The following GPX6 variants were observed in gnomAD, a reference collection of about 807,000 sequenced individuals.
GPX6 encodes glutathione peroxidase 6 (olfactory).
In GPX6, 21 loss-of-function variants were observed where a neutral mutation model predicts 20.0. The observed-to-expected ratio is 1.05, with a 90% CI of 0.74 to 1.51. The LOEUF is 1.51. Among genes scored for constraint, GPX6 ranks in the 40% most tolerant of loss-of-function variants. The pLI is 0.00. For synonymous variants in GPX6, 75 were observed against 98.0 expected (o/e 0.77, Z 1.38); for missense variants, 233 against 254.7 (o/e 0.91, Z 0.58).
At chr6:28,510,491 C>T (rs970123417) in intron 2 of GPX6, among the ~76,000 whole-genome samples, 7 of 152,088 alleles carry the variant, frequency 4.6e-5, no homozygotes, top group Admixed American at 2.6e-4. Context: ...TTCAGGGTAC[C>T]GAGTAACACA....
intron 2 of GPX6, among the ~76,000 whole-genome samples, chr6:28,508,349 G>A (rs993125114): frequency 7.4e-4 from 112 of 152,038 alleles, no homozygotes; most frequent in African/African-American, 2.5e-3. Context: ...AGGTCCTGAG[G>A]TCCTATAGTA....
chr6:28,510,982 T>C, intron 1 of GPX6, 78 bp from the exon 2 acceptor site: 9 of 1,266,076 alleles, frequency 7.1e-6, no homozygotes, highest in Non-Finnish European at 9.9e-6. Flanking sequence ...TTCAAAACAC[T>C]CGAAGACCCT....
intron 2 of GPX6, 31 bp from the exon 3 acceptor site, chr6:28,506,460 G>T: frequency 2.2e-6 from 3 of 1,343,534 alleles, no homozygotes; most frequent in Non-Finnish European, 3.2e-6. Context: ...GCAGGGGTGG[G>T]CTGGTCAGGA....
At chr6:28,507,061 G>A (rs377373407) in intron 2 of GPX6, among the ~76,000 whole-genome samples, 2 of 152,172 alleles carry the variant, frequency 1.3e-5, no homozygotes, top group East Asian at 3.9e-4. Flanking sequence ...CCTAACTGAT[G>A]CTGCAACATG....
In GPX6 at chr6:28,508,740, G is replaced by A. The variant is rs576865472; in HGVS notation, c.241+2011C>T. Among the ~76,000 whole-genome samples, 99 of 152,272 alleles carry A rather than the reference G, an allele frequency of 6.5e-4. 1 individual carries two copies. Among genetic ancestry groups the A allele is most frequent in the Admixed American group, 3.0e-3 (46 of 15,304 alleles). On this transcript the variant is annotated intron_variant, in intron 2 of 4. Transcript: ENST00000361902. ...GAGAATAGCTTGAATCCCAGAGGCA[G>A]AGGTTACAGTGAGCCAAGATTGTGC...
At position 28,513,736 on chromosome 6, in the gene GPX6, A is replaced by G. The variant is rs1315610090; in HGVS notation, c.87+1921T>C. 2.6e-5 allele frequency among the ~76,000 whole-genome samples: 4 copies of G among 152,310 alleles called. 1 individual carries two copies. The highest frequency in any genetic ancestry group is 5.9e-5 in the Non-Finnish European group (4 of 68,020). On this transcript the variant is annotated intron_variant, in intron 1 of 4. Coordinates refer to ENST00000361902, the MANE Select transcript of GPX6 (RefSeq NM_182701.1). ...AGTCCTGGCCATATGAAGAAAAATC[A>G]TAGAATTTTAGAGTAATTTAAACTG...
chr6:28,506,299 T>A lies in GPX6; in HGVS notation c.359+13A>T, dbSNP rs566630997. 50 of 1,492,206 alleles carry A rather than the reference T, an allele frequency of 3.4e-5. No homozygotes were observed. In the South Asian group the frequency reaches 5.6e-4, roughly 17 times the overall value. The allele number at this position is 1,492,206 out of a possible 1,614,324, so 92.4% of individuals were successfully genotyped here. A position where few individuals can be genotyped will look rare whatever the true frequency, so the allele number is the denominator to read the frequency against. On this transcript the variant is annotated intron_variant, in intron 3 of 4. Coordinates refer to ENST00000361902, the MANE Select transcript of GPX6 (RefSeq NM_182701.1). ...CCGACAGGGCATCTGCAGGGTCCCA[T>A]GCAAGCACTCACTTGAGACCAAGAA...
Position 28,511,730 on chromosome 6 carries a change from A to C in GPX6, c.88-826T>G, listed in dbSNP as rs569338086. On this transcript the variant is annotated intron_variant, in intron 1 of 4. Transcript: ENST00000361902. ...CCGCGCCTCCTCGGCCTTGGCGCCC[A>C]CTCTGGTCGCGCTTAAGAGGCCCTT... 4.6e-5 allele frequency among the ~76,000 whole-genome samples: 7 copies of C among 152,224 alleles called. No homozygotes were observed. In the East Asian group the frequency reaches 1.4e-3, roughly 29 times the overall value.
chr6:28,505,824 C>T (rs1409641519), intron 3 of GPX6, 22 bp from the exon 4 acceptor site: 3 of 1,576,506 alleles, frequency 1.9e-6, no homozygotes, highest in South Asian at 2.2e-5. Flanking sequence ...CAAAGTTGTT[C>T]CCAGCAAGAT....
Position 28,503,800 on chromosome 6 carries a change from G to C in GPX6, c.*492C>G, listed in dbSNP as rs1762778552. The C allele has an allele frequency of 6.4e-6, 1 of 155,448 alleles. No individual in the cohort carries two copies. Among genetic ancestry groups the C allele is most frequent in the Non-Finnish European group, 1.4e-5 (1 of 70,474 alleles). 9.6% of individuals were successfully genotyped at this position (155,448 alleles called of 1,614,324 possible). On this transcript the variant is annotated 3_prime_UTR_variant, in exon 5 of 5. Coordinates refer to ENST00000361902, the MANE Select transcript of GPX6 (RefSeq NM_182701.1). ...AGTTTAACAATGCATGCCTATCTTA[G>C]AGGAGAGAGGCTATGAAGGAGGCCT...
intron 2 of GPX6, among the ~76,000 whole-genome samples, 189 bp downstream of exon 2, chr6:28,510,562 G>C (rs1762853495): frequency 6.6e-6 from 1 of 152,170 alleles, no homozygotes. Context: ...GAAGGTCTTA[G>C]TTCTCAAATC....
chr6:28,512,469 G>C (rs997132152), intron 1 of GPX6, among the ~76,000 whole-genome samples: 1 of 152,180 alleles, frequency 6.6e-6, no homozygotes, highest in Non-Finnish European at 1.5e-5. Flanking sequence ...AGCTAATCTA[G>C]TGGGGAAGTG....
At position 28,504,046 on chromosome 6, in the gene GPX6, C is replaced by T; in HGVS notation, c.*246G>A. ...AAACACACACACACACACACACACA[C>T]ACACCATACATACACCTATGCATAT... is the stretch of plus-strand genomic sequence containing the variant. On this transcript the variant is annotated 3_prime_UTR_variant, in exon 5 of 5. Transcript: ENST00000361902. 1 of 507,112 alleles carries T rather than the reference C, an allele frequency of 2.0e-6. No individual in the cohort carries two copies. The allele number at this position is 507,112 out of a possible 1,614,324, so 31.4% of individuals were successfully genotyped here. A position where few individuals can be genotyped will look rare whatever the true frequency, so the allele number is the denominator to read the frequency against.
intron 3 of GPX6, 88 bp downstream of exon 3, chr6:28,506,224 A>G (rs982125453): frequency 4.9e-6 from 4 of 810,228 alleles, no homozygotes; most frequent in African/African-American, 3.4e-5. Flanking sequence ...GGCCTATCCC[A>G]GAAGTTTCCA....
intron 2 of GPX6, among the ~76,000 whole-genome samples, chr6:28,509,569 C>T (rs1290192440): frequency 6.6e-6 from 1 of 152,046 alleles, no homozygotes; most frequent in Non-Finnish European, 1.5e-5. Flanking sequence ...TATTTTGATC[C>T]ACTTCTCTGT....
At chr6:28,507,812 G>C (rs552081132) in intron 2 of GPX6, among the ~76,000 whole-genome samples, 5 of 152,030 alleles carry the variant, frequency 3.3e-5, no homozygotes. Context: ...AGAGTGATCC[G>C]GCCACCTTGG....
At chr6:28,511,841 G>A (rs1762882630) in intron 1 of GPX6, among the ~76,000 whole-genome samples, 1 of 152,264 alleles carries the variant, frequency 6.6e-6, no homozygotes, top group Non-Finnish European at 1.5e-5. Flanking sequence ...GTTGTGGAGG[G>A]AGAGGCGCTG....
chr6:28,505,677 T>G, intron 4 of GPX6, 26 bp downstream of exon 4: 1 of 1,569,554 alleles, frequency 6.4e-7, no homozygotes, highest in Non-Finnish European at 8.8e-7. Flanking sequence ...AGCTAACCCA[T>G]CCATGCCAGG....
intron 1 of GPX6, among the ~76,000 whole-genome samples, chr6:28,512,653 C>G (rs1437075429): frequency 6.6e-6 from 1 of 152,206 alleles, no homozygotes; most frequent in African/African-American, 2.4e-5. Flanking sequence ...TCCCCTTCCA[C>G]ACTGTGGGAG....
Sources: allele counts gnomAD v4.1 joint callset (sites outside exome capture counted in the v4.1 genomes callset), GRCh38; gene constraint gnomAD v4.1.1; transcripts MANE v1.5; gene names NCBI Gene and HGNC (gene_info 2026-07-23, HGNC 2026-07-21).